NINL: variants seen among roughly 807,000 people sequenced by gnomAD.
The protein encoded by NINL is ninein like.
NINL carries 153 observed loss-of-function variants against 160.3 expected under a neutral mutation model. The observed-to-expected ratio is 0.95, with a 90% confidence interval of 0.84 to 1.09. NINL has a LOEUF of 1.09. Among genes scored for constraint, NINL ranks in the 50% least tolerant of loss-of-function variants. NINL has a pLI of 0.00. For missense variants in NINL, 1,829 were observed against 1,764.0 expected (o/e 1.04, Z -0.66); for synonymous variants, 800 against 734.8 (o/e 1.09, Z -1.43).
chr20:25,453,509 T>G lies in NINL; in HGVS notation c.4091A>C (p.Lys1364Thr). The change falls in exon 24 of 24, where the codon AAA becomes ACA. Residue 1364 changes from lysine (K) to threonine (T), a missense_variant. Transcript: ENST00000278886. The stretch of plus-strand genomic sequence containing the variant: ...GACGAGTTTGTTGAGAGCGCGAACT[T>G]TTTCTTCCAAGAGGCGGCTTTGTTT... ...AEKQSRLLEEKVRALNKLVSR... is the reference protein window; with the variant it reads ...AEKQSRLLEETVRALNKLVSR... 7 of 1,614,070 alleles carry G rather than the reference T, an allele frequency of 4.3e-6. No homozygotes were observed. Among genetic ancestry groups the G allele is most frequent in the Non-Finnish European group, 5.9e-6 (7 of 1,179,990 alleles).
chr20:25,504,852 G>A (rs1239380695), intron 6 of NINL, 36 bp downstream of exon 6: 2 of 1,604,506 alleles, frequency 1.2e-6, no homozygotes, highest in East Asian at 4.5e-5. Flanking sequence ...ACCATGGCCA[G>A]GAATATGTGG....
chr20:25,520,939 C>T (rs561203314), intron 2 of NINL, among the ~76,000 whole-genome samples: 1 of 152,350 alleles, frequency 6.6e-6, no homozygotes, highest in Admixed American at 6.5e-5. Flanking sequence ...TGTTTTCCTT[C>T]AGTTTCACAT....
intron 10 of NINL, among the ~76,000 whole-genome samples, chr20:25,492,123 G>A (rs750341809): frequency 6.6e-6 from 1 of 152,168 alleles, no homozygotes; most frequent in African/African-American, 2.4e-5. Context: ...GAAGACCAGC[G>A]AGGCTCCTAC....
intron 2 of NINL, 120 bp from the exon 3 acceptor site, chr20:25,517,969 A>T (rs945256410): frequency 1.8e-6 from 1 of 545,588 alleles, no homozygotes; most frequent in Non-Finnish European, 3.1e-6. Flanking sequence ...TTAGAATGAG[A>T]ACATTCACGT....
At chr20:25,480,337 T>C (rs2063361751) in intron 14 of NINL, 70 bp from the exon 15 acceptor site, 3 of 1,231,002 alleles carry the variant, frequency 2.4e-6, no homozygotes, top group Non-Finnish European at 3.6e-6. Context: ...AACCTTCCAA[T>C]CTGATATTTT....
chr20:25,557,974 C>CA (rs3036848), intron 1 of NINL, among the ~76,000 whole-genome samples: 20,175 of 132,532 alleles, frequency 0.15, 1,704 homozygotes, highest in East Asian at 0.34. Flanking sequence ...ACTAAAAATA[C>CA]AAAAAAAAAA....
chr20:25,505,767 G>C (rs187095715), intron 5 of NINL, among the ~76,000 whole-genome samples: 1 of 152,192 alleles, frequency 6.6e-6, no homozygotes, highest in Non-Finnish European at 1.5e-5. Context: ...GACAGACAGA[G>C]GGATGGATGG....
chr20:25,503,744 G>A (rs371471482), intron 7 of NINL, among the ~76,000 whole-genome samples: 7 of 152,218 alleles, frequency 4.6e-5, no homozygotes, highest in African/African-American at 1.7e-4. Flanking sequence ...CACAGCCAGG[G>A]AAGAGCAACA....
At chr20:25,553,111 T>TTTTTTTTC (rs1568962403) in intron 1 of NINL, among the ~76,000 whole-genome samples, 1 of 141,724 alleles carries the variant, frequency 7.1e-6, no homozygotes, top group Non-Finnish European at 1.5e-5. Flanking sequence ...TGGGTTTTTT[T>TTTTTTTTC]TTTTTTTTTT....
intron 1 of NINL, among the ~76,000 whole-genome samples, chr20:25,554,477 A>T (rs1218254201): frequency 6.6e-6 from 1 of 152,086 alleles, no homozygotes; most frequent in Admixed American, 6.5e-5. Flanking sequence ...TTTAAGGATC[A>T]CAATTTATAC....
At chr20:25,551,239 A>G (rs1049778068) in intron 1 of NINL, among the ~76,000 whole-genome samples, 1 of 152,188 alleles carries the variant, frequency 6.6e-6, no homozygotes, top group Non-Finnish European at 1.5e-5. Context: ...AAGGCAGAAG[A>G]ATTTTTCTTA....
chr20:25,506,722 C>T (rs1331712057), intron 5 of NINL, among the ~76,000 whole-genome samples: 1 of 152,138 alleles, frequency 6.6e-6, no homozygotes, highest in Admixed American at 6.5e-5. Context: ...AAGATCACAA[C>T]GGTCCCATGG....
chr20:25,469,965 G>T, intron 18 of NINL, 26 bp downstream of exon 18: 1 of 1,549,930 alleles, frequency 6.5e-7, no homozygotes, highest in Non-Finnish European at 8.9e-7. Flanking sequence ...ACCCCCAGAA[G>T]GTCTGGGTAG....
At chr20:25,558,775 C>A (rs1439090045) in intron 1 of NINL, among the ~76,000 whole-genome samples, 1 of 152,220 alleles carries the variant, frequency 6.6e-6, no homozygotes, top group Admixed American at 6.5e-5. Flanking sequence ...AGCAAGTAGG[C>A]AGGCAGAGGC....
intron 2 of NINL, among the ~76,000 whole-genome samples, chr20:25,525,888 C>T (rs1021285380): frequency 3.3e-5 from 5 of 152,186 alleles, no homozygotes; most frequent in Non-Finnish European, 1.5e-5. Context: ...CCTCTAATTT[C>T]ACGTTTTCTA....
chr20:25,562,195 C>G (rs2064951526), intron 1 of NINL, among the ~76,000 whole-genome samples: 2 of 142,896 alleles, frequency 1.4e-5, no homozygotes, highest in African/African-American at 2.6e-5. Context: ...CCTGCCCGGC[C>G]AGCCGCCCCG....
intron 19 of NINL, among the ~76,000 whole-genome samples, chr20:25,466,157 G>A (rs2062907752): frequency 6.6e-6 from 1 of 152,046 alleles, no homozygotes; most frequent in African/African-American, 2.4e-5. Context: ...GAGTAGCTGG[G>A]ACTATAGGCA....
chr20:25,454,616 C>A (rs937778076), intron 23 of NINL, among the ~76,000 whole-genome samples: 1 of 152,282 alleles, frequency 6.6e-6, no homozygotes, highest in African/African-American at 2.4e-5. Flanking sequence ...TACTGGATCA[C>A]GATGGAGCAA....
intron 1 of NINL, among the ~76,000 whole-genome samples, chr20:25,580,419 T>C (rs2065161374): frequency 1.3e-5 from 2 of 152,164 alleles, no homozygotes; most frequent in Admixed American, 6.5e-5. Flanking sequence ...CTAGAGGTTC[T>C]CAAACTTGAT....
Sources: allele counts gnomAD v4.1 joint callset (sites outside exome capture counted in the v4.1 genomes callset), GRCh38; gene constraint gnomAD v4.1.1; transcripts MANE v1.5; gene names NCBI Gene and HGNC (gene_info 2026-07-23, HGNC 2026-07-21).